VSIG10L2: variants seen among roughly 807,000 people sequenced by gnomAD.
The protein encoded by VSIG10L2 is V-set and immunoglobulin domain containing 10 like 2.
VSIG10L2 carries 56 observed loss-of-function variants against 67.1 expected under a neutral mutation model. That is an observed-to-expected ratio of 0.83 (90% CI 0.67 to 1.04). The LOEUF (loss-of-function observed/expected upper bound fraction) is 1.04, where lower values mean the gene tolerates loss of function less well. Among genes scored for constraint, VSIG10L2 ranks in the 50% least tolerant of loss-of-function variants. The pLI is 0.00. For missense variants in VSIG10L2, 843 were observed against 932.8 expected (o/e 0.90, Z 1.25); for synonymous variants, 360 against 396.6 (o/e 0.91, Z 1.10).
rs934881876 is a variant in VSIG10L2 at position 125,954,049 on chromosome 11, G to GTATACA, written c.1787-36_1787-31dup. 4.6e-5 allele frequency: 56 copies of GTATACA among 1,228,012 alleles called. 1 individual carries two copies. The African/African-American group carries it at 8.5e-4, about 19-fold the overall frequency. The allele number at this position is 1,228,012 out of a possible 1,614,324, so 76.1% of individuals were successfully genotyped here. A position where few individuals can be genotyped will look rare whatever the true frequency, so the allele number is the denominator to read the frequency against. ...GGGGCACAAGGTCACGTGGTTGTAG[G>GTATACA]TATACATGTCCCTTGTTTTGTCCCC... On this transcript the variant is annotated intron_variant, in intron 7 of 11. Coordinates refer to ENST00000686984, the MANE Select transcript of VSIG10L2 (RefSeq NM_001365077.2).
chr11:125,947,025 T>C (rs1028882971), intron 1 of VSIG10L2, among the ~76,000 whole-genome samples: 8 of 152,214 alleles, frequency 5.3e-5, no homozygotes, highest in Non-Finnish European at 1.0e-4. Flanking sequence ...TAATGGCTGG[T>C]CCCTGATAGA....
Position 125,953,633 on chromosome 11 carries a change from T to C in VSIG10L2, c.1729T>C (p.Cys577Arg). Residue 577 changes from cysteine to arginine, a missense_variant, in exon 7 of 12, where the codon TGC becomes CGC. By Grantham distance (180) the Cys-to-Arg change is radical. Coordinates refer to ENST00000686984, the MANE Select transcript of VSIG10L2 (RefSeq NM_001365077.2). The part of the protein sequence containing the change: ...DPAHHRGTYQ[C>R]VARNAVGNSS... ...GGCACACCACAGGGGCACCTACCAA[T>C]GCGTGGCCCGCAACGCCGTGGGCAA... 1 of 1,232,230 alleles carries C rather than the reference T, an allele frequency of 8.1e-7. No individual in the cohort carries two copies. Among genetic ancestry groups the C allele is most frequent in the Non-Finnish European group, 1.0e-6 (1 of 988,026 alleles). The allele number at this position is 1,232,230 out of a possible 1,614,324, so 76.3% of individuals were successfully genotyped here.
chr11:125,947,813 C>G lies in VSIG10L2; in HGVS notation c.210C>G (p.Thr70=), dbSNP rs1318515427. The G allele has an allele frequency of 8.1e-7, 1 of 1,232,574 alleles. No homozygotes were observed. 76.4% of individuals were successfully genotyped at this position (1,232,574 alleles called of 1,614,324 possible). ...CGCTGCTGGTCCTCTGGAGCTTCAC[C>G]CCCCTGGGCTCCCTGGTTCCCCGGC... is the stretch of plus-strand genomic sequence containing the variant. ...PAPLLVLWSF[T]PLGSLVPRPV... is the part of the protein sequence containing the mutation. The change falls in exon 2 of 12, where the codon ACC becomes ACG. Residue 70 remains threonine, a synonymous_variant. Coordinates refer to ENST00000686984, the MANE Select transcript of VSIG10L2 (RefSeq NM_001365077.2).
intron 3 of VSIG10L2, among the ~76,000 whole-genome samples, chr11:125,949,688 T>C (rs549133751): frequency 3.3e-4 from 50 of 152,298 alleles, no homozygotes; most frequent in African/African-American, 1.2e-3. Flanking sequence ...AGTGGCCGAA[T>C]GTCTGCTTCC....
chr11:125,949,873 TAAGAGGGCCTAGCCTTGG>T (rs1268414867), intron 3 of VSIG10L2, 123 bp from the exon 4 acceptor site: 201 of 900,454 alleles, frequency 2.2e-4, no homozygotes, highest in Non-Finnish European at 2.9e-4. Flanking sequence ...CTCTGAGCTC[TAAGAGGGCCTAGCCTTGG>T]GGTGGACACG....
chr11:125,955,340 AC>A (rs1329012097), intron 9 of VSIG10L2, among the ~76,000 whole-genome samples, 141 bp from the exon 10 acceptor site: 1 of 152,104 alleles, frequency 6.6e-6, no homozygotes, highest in Non-Finnish European at 1.5e-5. Context: ...CAGGGCTCTA[AC>A]CCCCAACCCA....
At chr11:125,955,590 CTT>C (rs1945453124) in intron 10 of VSIG10L2, 23 bp from the exon 11 acceptor site, 1 of 1,523,734 alleles carries the variant, frequency 6.6e-7, no homozygotes, top group African/African-American at 1.4e-5. Context: ...TTGCCACTAA[CTT>C]TACTCTCCCA....
Position 125,950,379 on chromosome 11 carries a change from C to T in VSIG10L2, c.985+90C>T, listed in dbSNP as rs79720962. On this transcript the variant is annotated intron_variant, in intron 4 of 11. Transcript: ENST00000686984. ...GGGGCTGTTCTGGGGCAGACCCCGC[C>T]GTCCCGTGGAGAGGCGTGTGCCAAA... 1,343 of 1,206,738 alleles carry T rather than the reference C, an allele frequency of 1.1e-3. 18 individuals carry two copies. In the African/African-American group the frequency reaches 0.018, roughly 16 times the overall value. 74.8% of individuals were successfully genotyped at this position (1,206,738 alleles called of 1,614,324 possible).
Position 125,950,265 on chromosome 11 carries a change from A to G in VSIG10L2, c.961A>G (p.Thr321Ala). 1 of 1,232,416 alleles carries G rather than the reference A, an allele frequency of 8.1e-7. No individual in the cohort carries two copies. The highest frequency in any genetic ancestry group is 1.0e-6 in the Non-Finnish European group (1 of 988,158). 76.3% of individuals were successfully genotyped at this position (1,232,416 alleles called of 1,614,324 possible). A position where few individuals can be genotyped will look rare whatever the true frequency, so the allele number is the denominator to read the frequency against. The change falls in exon 4 of 12, where the codon ACT becomes GCT. Residue 321 changes from threonine to alanine, a missense_variant. Thr to Ala is a moderately conservative substitution (Grantham distance 58). Around this residue, in one of 2 missense-constraint regions of VSIG10L2, gnomAD observed 446 missense variants for 548.4 expected, o/e 0.81. Coordinates refer to ENST00000686984, the MANE Select transcript of VSIG10L2 (RefSeq NM_001365077.2). ...CAGCTACCTGGACACCCGCACCCAG[A>G]CTACTGTCCAGCTCACCATCTACTG... ...RNSYLDTRTQTTVQLTIYYPP... is the reference protein window; with the variant it reads ...RNSYLDTRTQATVQLTIYYPP...
chr11:125,956,228 G>T lies in VSIG10L2; in HGVS notation c.*314G>T, dbSNP rs1013399210. ...CATGGTACTGGGAAGGATCTGTGGT[G>T]CTATAGAAGTATGAGCAAGCTAGCT... On this transcript the variant is annotated 3_prime_UTR_variant, in exon 12 of 12. Coordinates refer to ENST00000686984, the MANE Select transcript of VSIG10L2 (RefSeq NM_001365077.2). 1.9e-5 allele frequency: 10 copies of T among 537,324 alleles called. No individual in the cohort carries two copies. Among genetic ancestry groups the T allele is most frequent in the African/African-American group, 1.5e-4 (8 of 53,084 alleles). 33.3% of individuals were successfully genotyped at this position (537,324 alleles called of 1,614,324 possible).
intron 5 of VSIG10L2, 127 bp downstream of exon 5, chr11:125,951,285 T>A: frequency 1.1e-6 from 1 of 916,388 alleles, no homozygotes; most frequent in Non-Finnish European, 1.4e-6. Context: ...ACACGCCATG[T>A]AACAAGGAGG....
chr11:125,950,007 T>C lies in VSIG10L2; in HGVS notation c.710-7T>C. On this transcript the variant is annotated splice_region_variant and splice_polypyrimidine_tract_variant and intron_variant, in intron 3 of 11. Coordinates refer to ENST00000686984, the MANE Select transcript of VSIG10L2 (RefSeq NM_001365077.2). The stretch of plus-strand genomic sequence containing the variant: ...GGGAGGTGTAACTGGCCTTCCTTGC[T>C]CTCCAGATGGTCCTGACAAGCCTGT... 1.6e-6 allele frequency: 2 copies of C among 1,232,416 alleles called. No individual in the cohort carries two copies. 76.3% of individuals were successfully genotyped at this position (1,232,416 alleles called of 1,614,324 possible).
Position 125,956,113 on chromosome 11 carries a change from C to A in VSIG10L2, c.*199C>A. 2 of 679,274 alleles carry A rather than the reference C, an allele frequency of 2.9e-6. No individual in the cohort carries two copies. The highest frequency in any genetic ancestry group is 5.4e-6 in the Non-Finnish European group (2 of 371,192). 42.1% of individuals were successfully genotyped at this position (679,274 alleles called of 1,614,324 possible). On this transcript the variant is annotated 3_prime_UTR_variant, in exon 12 of 12. Coordinates refer to ENST00000686984, the MANE Select transcript of VSIG10L2 (RefSeq NM_001365077.2). ...CATGGTTACAAGAGAAGCCCTGGCC[C>A]ACCTTGTGGAAGACAGAGGTGGCAG...
Position 125,948,369 on chromosome 11 carries a change from G to A in VSIG10L2, c.498G>A (p.Val166=). The A allele has an allele frequency of 5.7e-6, 7 of 1,232,364 alleles. No individual in the cohort carries two copies. The highest frequency in any genetic ancestry group is 7.1e-6 in the Non-Finnish European group (7 of 988,112). The allele number at this position is 1,232,364 out of a possible 1,614,324, so 76.3% of individuals were successfully genotyped here. Residue 166 remains valine (V), a synonymous_variant, in exon 3 of 12, where the codon GTG becomes GTA. Transcript: ENST00000686984. ...NPSPVEGASV[V]ATCAVREGTE... is the part of the protein sequence containing the mutation. Reference sequence around the variant, plus strand: ...CCCCTGTGGAGGGAGCCTCCGTGGTGGCCACGTGTGCAGTGCGGGAGGGCA... The same window carrying A: ...CCCCTGTGGAGGGAGCCTCCGTGGTAGCCACGTGTGCAGTGCGGGAGGGCA...
rs1269774070 is a variant in VSIG10L2 at position 125,953,659 on chromosome 11, T to C, written c.1755T>C (p.Asn585=). ...YQCVARNAVG[N]SSQSVLLEVL... ...GCGTGGCCCGCAACGCCGTGGGCAATAGCAGTCAGAGTGTGCTGCTGGAGG... is the reference window on the plus strand; with the variant it reads ...GCGTGGCCCGCAACGCCGTGGGCAACAGCAGTCAGAGTGTGCTGCTGGAGG... Residue 585 remains asparagine, a synonymous_variant, in exon 7 of 12, where the codon AAT becomes AAC. Coordinates refer to ENST00000686984, the MANE Select transcript of VSIG10L2 (RefSeq NM_001365077.2). The C allele has an allele frequency of 1.5e-4, 180 of 1,232,122 alleles. No individual in the cohort carries two copies. The highest frequency in any genetic ancestry group is 1.8e-4 in the Non-Finnish European group (175 of 988,034). The allele number at this position is 1,232,122 out of a possible 1,614,324, so 76.3% of individuals were successfully genotyped here. A position where few individuals can be genotyped will look rare whatever the true frequency, so the allele number is the denominator to read the frequency against.
chr11:125,948,413 C>G lies in VSIG10L2; in HGVS notation c.542C>G (p.Ala181Gly). The G allele has an allele frequency of 8.1e-7, 1 of 1,232,408 alleles. No individual in the cohort carries two copies. The highest frequency in any genetic ancestry group is 1.0e-6 in the Non-Finnish European group (1 of 988,168). 76.3% of individuals were successfully genotyped at this position (1,232,408 alleles called of 1,614,324 possible). A position where few individuals can be genotyped will look rare whatever the true frequency, so the allele number is the denominator to read the frequency against. Reference sequence around the variant, plus strand: ...GAGGGCACAGAGCCCGTGACCTTTGCCTGGCAGCATCGGGCACCCCGAGGC... The same window carrying G: ...GAGGGCACAGAGCCCGTGACCTTTGGCTGGCAGCATCGGGCACCCCGAGGC... ...VREGTEPVTF[A>G]WQHRAPRGLG... The change falls in exon 3 of 12, where the codon GCC becomes GGC. Residue 181 changes from alanine to glycine, a missense_variant. Coordinates refer to ENST00000686984, the MANE Select transcript of VSIG10L2 (RefSeq NM_001365077.2).
Position 125,956,301 on chromosome 11 carries a change from G to A in VSIG10L2, c.*387G>A, listed in dbSNP as rs1310925742. 1 of 673,320 alleles carries A rather than the reference G, an allele frequency of 1.5e-6. No individual in the cohort carries two copies. The highest frequency in any genetic ancestry group is 2.4e-6 in the Non-Finnish European group (1 of 423,756). 41.7% of individuals were successfully genotyped at this position (673,320 alleles called of 1,614,324 possible). On this transcript the variant is annotated 3_prime_UTR_variant, in exon 12 of 12. Transcript: ENST00000686984. ...GATGGAGCAATTCCTAAATAAATCA[G>A]AGCTGATGTTCACGCCAATAGAGGG...
chr11:125,950,991 T>C lies in VSIG10L2; in HGVS notation c.1067T>C (p.Leu356Pro). 5 of 1,232,386 alleles carry C rather than the reference T, an allele frequency of 4.1e-6. No individual in the cohort carries two copies. The South Asian group carries it at 1.6e-4, about 41-fold the overall frequency. 76.3% of individuals were successfully genotyped at this position (1,232,386 alleles called of 1,614,324 possible). A position where few individuals can be genotyped will look rare whatever the true frequency, so the allele number is the denominator to read the frequency against. ...VTLLCAWPGG[L>P]PPAQLQWEGP... is the part of the protein sequence containing the mutation. ...CTGCTCTGTGCCTGGCCTGGGGGGCTTCCGCCTGCCCAACTGCAGTGGGAA... is the reference window on the plus strand; with the variant it reads ...CTGCTCTGTGCCTGGCCTGGGGGGCCTCCGCCTGCCCAACTGCAGTGGGAA... Residue 356 changes from leucine to proline, a missense_variant, in exon 5 of 12, where the codon CTT becomes CCT. Transcript: ENST00000686984.
rs1322217900 is a variant in VSIG10L2 at position 125,953,635 on chromosome 11, C to T, written c.1731C>T (p.Cys577=). The change falls in exon 7 of 12, where the codon TGC becomes TGT. Residue 577 remains cysteine, a synonymous_variant. Transcript: ENST00000686984. ...CACACCACAGGGGCACCTACCAATG[C>T]GTGGCCCGCAACGCCGTGGGCAATA... ...DPAHHRGTYQ[C]VARNAVGNSS... 55 of 1,232,278 alleles carry T rather than the reference C, an allele frequency of 4.5e-5. No individual in the cohort carries two copies. Among genetic ancestry groups the T allele is most frequent in the Admixed American group, 1.3e-4 (3 of 23,730 alleles). 76.3% of individuals were successfully genotyped at this position (1,232,278 alleles called of 1,614,324 possible).
Sources: allele counts gnomAD v4.1 joint callset (sites outside exome capture counted in the v4.1 genomes callset), GRCh38; gene constraint gnomAD v4.1.1; regional missense constraint gnomAD v4.1.1; transcripts MANE v1.5; gene names NCBI Gene and HGNC (gene_info 2026-07-23, HGNC 2026-07-21).